Variants in WHRN observed in about 807,000 individuals in gnomAD.
WHRN encodes the protein CASK-interacting protein CIP98.
WHRN carries 41 observed loss-of-function variants against 68.3 expected under a neutral mutation model. The observed-to-expected ratio is 0.60, with a 90% CI of 0.47 to 0.78. The LOEUF is 0.78. Ranked by LOEUF, WHRN falls within the 30% of genes least tolerant of loss-of-function variation. The pLI is 0.00. For missense variants in WHRN, 1,243 were observed against 1,244.7 expected, an observed-to-expected ratio of 1.00 and a Z score of 0.02; for synonymous variants, 560 against 561.3, an observed-to-expected ratio of 1.00 and a Z score of 0.03.
intron 3 of WHRN, among the ~76,000 whole-genome samples, chr9:114,429,826 C>T (rs1837250459): frequency 6.6e-6 from 1 of 152,188 alleles, no homozygotes; most frequent in Non-Finnish European, 1.5e-5. Context: ...CTCCCAGGTA[C>T]TCAGGCCTTA....
intron 6 of WHRN, among the ~76,000 whole-genome samples, chr9:114,423,827 C>T (rs1564134782): frequency 6.6e-6 from 1 of 152,190 alleles, no homozygotes; most frequent in Non-Finnish European, 1.5e-5. Flanking sequence ...CCCAGAATAC[C>T]CTTTCCAATA....
chr9:114,494,133 T>C (rs147271342), intron 1 of WHRN, among the ~76,000 whole-genome samples: 364 of 152,348 alleles, frequency 2.4e-3, no homozygotes, highest in Non-Finnish European at 3.5e-3. Context: ...GTGGGGGATT[T>C]ACATGAAACC....
intron 3 of WHRN, among the ~76,000 whole-genome samples, chr9:114,456,976 G>A (rs913001643): frequency 6.6e-6 from 1 of 152,120 alleles, no homozygotes; most frequent in Non-Finnish European, 1.5e-5. Flanking sequence ...TAAACCCTTT[G>A]ATTCTGGGAT....
intron 7 of WHRN, among the ~76,000 whole-genome samples, chr9:114,409,324 G>A (rs1835263483): frequency 6.6e-6 from 1 of 152,216 alleles, no homozygotes; most frequent in Non-Finnish European, 1.5e-5. Flanking sequence ...GGAGACTGCA[G>A]AGAGAGCATC....
chr9:114,426,457 G>C (rs1836870742), intron 3 of WHRN, 44 bp from the exon 4 acceptor site: 1 of 1,608,462 alleles, frequency 6.2e-7, no homozygotes. Context: ...GCTGTTTGCA[G>C]GATTCACACT....
In WHRN at chr9:114,415,754, G is replaced by A. The variant is rs553728182; in HGVS notation, c.1626+7560C>T. 3.8e-4 allele frequency among the ~76,000 whole-genome samples: 58 copies of A among 152,340 alleles called. 1 individual carries two copies. The highest frequency in any genetic ancestry group is 3.7e-3 in the Admixed American group (57 of 15,310). ...CACAAAGGCTGCTGCATAGAAGAAGGAGTGGCTGAACGCATGACTGAAGGA... is the reference window on the plus strand; with the variant it reads ...CACAAAGGCTGCTGCATAGAAGAAGAAGTGGCTGAACGCATGACTGAAGGA... On this transcript the variant is annotated intron_variant, in intron 7 of 11. Coordinates refer to ENST00000362057, the MANE Select transcript of WHRN (RefSeq NM_015404.4).
chr9:114,444,694 G>A (rs1453697707), intron 3 of WHRN, among the ~76,000 whole-genome samples: 1 of 151,532 alleles, frequency 6.6e-6, no homozygotes, highest in Non-Finnish European at 1.5e-5. Context: ...TTTTAAAAAA[G>A]CAAAAATGGA....
chr9:114,403,008 C>T, intron 11 of WHRN, 72 bp from the exon 12 acceptor site: 5 of 1,556,450 alleles, frequency 3.2e-6, no homozygotes, highest in East Asian at 2.3e-5. Flanking sequence ...CCAACTGGGT[C>T]AGTCCCAACA....
intron 2 of WHRN, among the ~76,000 whole-genome samples, chr9:114,472,937 G>A (rs1232755774): frequency 6.6e-6 from 1 of 152,216 alleles, no homozygotes; most frequent in Non-Finnish European, 1.5e-5. Flanking sequence ...TAAGTGGCTT[G>A]CCCAAGGTCA....
chr9:114,468,188 T>C (rs1030087378), intron 2 of WHRN, among the ~76,000 whole-genome samples: 6 of 152,144 alleles, frequency 3.9e-5, no homozygotes, highest in Non-Finnish European at 5.9e-5. Context: ...TCTTATAAGG[T>C]TACCATGAAG....
chr9:114,403,531 G>A (rs1259025888), intron 10 of WHRN, among the ~76,000 whole-genome samples, 192 bp from the exon 11 acceptor site: 2 of 152,192 alleles, frequency 1.3e-5, no homozygotes, highest in Non-Finnish European at 2.9e-5. Context: ...CAAAATCCCC[G>A]AGGCTCAGGA....
At chr9:114,491,124 C>T (rs889887151) in intron 1 of WHRN, among the ~76,000 whole-genome samples, 2 of 152,156 alleles carry the variant, frequency 1.3e-5, no homozygotes, top group African/African-American at 4.8e-5. Context: ...GCACAGAGAT[C>T]CATCAGGAAT....
intron 2 of WHRN, among the ~76,000 whole-genome samples, chr9:114,471,887 C>T (rs1164425725): frequency 1.3e-5 from 2 of 152,186 alleles, no homozygotes; most frequent in South Asian, 2.1e-4. Flanking sequence ...GCTTTGGGCA[C>T]GGTTGTGAGA....
intron 1 of WHRN, among the ~76,000 whole-genome samples, chr9:114,501,479 G>A (rs1386030117): frequency 2.0e-5 from 3 of 151,524 alleles, no homozygotes; most frequent in African/African-American, 7.3e-5. Context: ...TCTTTAAAAA[G>A]CTGCAACTTT....
In WHRN at chr9:114,504,837, G is replaced by A. The variant is rs1481722967; in HGVS notation, c.-36C>T. 2 of 1,375,698 alleles carry A rather than the reference G, an allele frequency of 1.5e-6. No homozygotes were observed. Among genetic ancestry groups the A allele is most frequent in the South Asian group, 1.7e-5 (1 of 57,198 alleles). The allele number at this position is 1,375,698 out of a possible 1,614,324, so 85.2% of individuals were successfully genotyped here. A position where few individuals can be genotyped will look rare whatever the true frequency, so the allele number is the denominator to read the frequency against. Reference sequence around the variant, plus strand: ...AGGCCCGGCCGGGCTCTGAGCGCGCGGGGTGTGGGCGGTGCCGCTGTCCTC... The same window carrying A: ...AGGCCCGGCCGGGCTCTGAGCGCGCAGGGTGTGGGCGGTGCCGCTGTCCTC... On this transcript the variant is annotated 5_prime_UTR_variant, in exon 1 of 12. Coordinates refer to ENST00000362057, the MANE Select transcript of WHRN (RefSeq NM_015404.4).
chr9:114,465,517 GTGGCATCCC>G (rs1409265398), intron 3 of WHRN, among the ~76,000 whole-genome samples: 1 of 152,212 alleles, frequency 6.6e-6, no homozygotes, highest in African/African-American at 2.4e-5. Context: ...CACTGCTGCT[GTGGCATCCC>G]TGGCATCAGG....
In WHRN at chr9:114,404,067, C is replaced by T. The variant is rs143997286; in HGVS notation, c.2247G>A (p.Thr749=). 3.1e-4 allele frequency: 492 copies of T among 1,612,978 alleles called. 7 individuals carry two copies. In the South Asian group the frequency reaches 4.8e-3, roughly 16 times the overall value. The stretch of plus-strand genomic sequence containing the variant: ...GCCCGCTGTCCGAGAGCTGGGAGAG[C>T]GTAGAGGCTGCTGGAGAGGGGAAAA... ...RALPQTRTAS[T]LSQLSDSGQT... The change falls in exon 10 of 12, where the codon ACG becomes ACA. Residue 749 remains threonine, a synonymous_variant. Transcript: ENST00000362057.
intron 4 of WHRN, chr9:114,425,552 T>C (rs1836749294): frequency 3.6e-6 from 1 of 275,632 alleles, no homozygotes; most frequent in Non-Finnish European, 6.9e-6. Context: ...TGAAAATGTT[T>C]AATACTATGC....
At chr9:114,429,643 C>T (rs920637408) in intron 3 of WHRN, among the ~76,000 whole-genome samples, 1 of 152,206 alleles carries the variant, frequency 6.6e-6, no homozygotes, top group Non-Finnish European at 1.5e-5. Flanking sequence ...CTGTAAAGAG[C>T]GTGAGACAAG....
Sources: allele counts gnomAD v4.1 joint callset (sites outside exome capture counted in the v4.1 genomes callset), GRCh38; gene constraint gnomAD v4.1.1; transcripts MANE v1.5; gene names NCBI Gene and HGNC (gene_info 2026-07-23, HGNC 2026-07-21).